Variants in SNX15 observed in about 807,000 individuals in gnomAD.
SNX15 encodes the protein sorting nexin-15.
In SNX15, 29 loss-of-function variants were observed where a neutral mutation model predicts 35.2. That is an observed-to-expected ratio of 0.82 (90% CI 0.61 to 1.12). The LOEUF (loss-of-function observed/expected upper bound fraction) is 1.12. Among genes scored for constraint, SNX15 ranks in the 50% most tolerant of loss-of-function variants. The probability of loss-of-function intolerance (pLI) is 0.00; values close to 1 mark genes in which losing one functional copy is unlikely to be tolerated. For missense variants in SNX15, 400 were observed against 451.5 expected (o/e 0.89, Z 1.03); for synonymous variants, 189 against 188.2 (o/e 1.00, Z -0.03).
chr11:65,035,185 C>T lies in SNX15; in HGVS notation c.499C>T (p.Leu167Phe). 1 of 1,591,374 alleles carries T rather than the reference C, an allele frequency of 6.3e-7. No homozygotes were observed. The highest frequency in any genetic ancestry group is 8.5e-7 in the Non-Finnish European group (1 of 1,171,048). Residue 167 changes from leucine (L) to phenylalanine (F), a missense_variant, in exon 5 of 8, where the codon CTC becomes TTC. By Grantham distance (22) the Leu-to-Phe change is conservative (BLOSUM62 0). Coordinates refer to ENST00000377244, the MANE Select transcript of SNX15 (RefSeq NM_013306.5). Reference sequence around the variant, plus strand: ...ACTGCTCCCTGCAGAAAGGAGGGGCCTCGAGGAATTGGAGGTGCCAGGTAC... The same window carrying T: ...ACTGCTCCCTGCAGAAAGGAGGGGCTTCGAGGAATTGGAGGTGCCAGGTAC... Reference protein sequence around the residue: ...SQLLPAERRGLEELEVPVDPP... With the variant: ...SQLLPAERRGFEELEVPVDPP...
At chr11:65,029,784 C>T (rs1244062329) in intron 1 of SNX15, among the ~76,000 whole-genome samples, 1 of 151,690 alleles carries the variant, frequency 6.6e-6, no homozygotes, top group African/African-American at 2.4e-5. Flanking sequence ...ACTGTGTTGG[C>T]CAGGCTGGTC....
At chr11:65,038,389 C>A in intron 6 of SNX15, 183 bp from the exon 7 acceptor site, 1 of 1,144,484 alleles carries the variant, frequency 8.7e-7, no homozygotes, top group Non-Finnish European at 1.1e-6. Context: ...CACATGAACC[C>A]TATCGATCAA....
chr11:65,038,526 G>A, intron 6 of SNX15, 46 bp from the exon 7 acceptor site: 1 of 1,501,748 alleles, frequency 6.7e-7, no homozygotes, highest in Non-Finnish European at 8.9e-7. Context: ...GAGGGCCTGG[G>A]AAAGGAAGGG....
At chr11:65,027,754 T>A in intron 1 of SNX15, 118 bp downstream of exon 1, 1 of 747,978 alleles carries the variant, frequency 1.3e-6, no homozygotes, top group Middle Eastern at 2.5e-4. Flanking sequence ...GGGTTTCCCC[T>A]TTAAGGGGAG....
At chr11:65,032,775 C>T (rs1479750162) in intron 3 of SNX15, among the ~76,000 whole-genome samples, 3 of 152,150 alleles carry the variant, frequency 2.0e-5, no homozygotes, top group African/African-American at 4.8e-5. Context: ...TTGGGCCAGG[C>T]GTGTGGCTCA....
chr11:65,035,704 G>C, intron 6 of SNX15, 41 bp downstream of exon 6: 1 of 1,566,130 alleles, frequency 6.4e-7, no homozygotes. Flanking sequence ...AGGGCAGGAC[G>C]TCCTTGGGAC....
intron 7 of SNX15, among the ~76,000 whole-genome samples, 200 bp downstream of exon 7, chr11:65,039,029 C>T (rs1284194669): frequency 1.7e-4 from 12 of 72,494 alleles, no homozygotes; most frequent in South Asian, 3.8e-4. Context: ...TCTTCTTCCT[C>T]TTTTTTTTTT....
At chr11:65,031,013 T>C (rs1324490946) in intron 1 of SNX15, among the ~76,000 whole-genome samples, 1 of 151,936 alleles carries the variant, frequency 6.6e-6, no homozygotes, top group Non-Finnish European at 1.5e-5. Context: ...AAGAAATAGA[T>C]GTTTTTATTT....
intron 7 of SNX15, 127 bp from the exon 8 acceptor site, chr11:65,039,559 G>T (rs182032141): frequency 5.9e-5 from 36 of 614,666 alleles, no homozygotes; most frequent in African/African-American, 5.7e-4. Flanking sequence ...GAGGAGAATG[G>T]ATGCTGGGCC....
At chr11:65,037,573 T>G (rs931621058) in intron 6 of SNX15, 1 of 152,246 alleles carries the variant, frequency 6.6e-6, no homozygotes, top group African/African-American at 2.4e-5. Context: ...ACTCAGCCCA[T>G]GGGAAAAGTC....
chr11:65,032,137 G>C, intron 1 of SNX15, 31 bp from the exon 2 acceptor site: 1 of 1,612,948 alleles, frequency 6.2e-7, no homozygotes, highest in East Asian at 2.2e-5. Flanking sequence ...GCAGTCTCTG[G>C]TCTCAACCAG....
intron 1 of SNX15, among the ~76,000 whole-genome samples, chr11:65,029,200 C>T (rs1946411432): frequency 6.6e-6 from 1 of 151,870 alleles, no homozygotes; most frequent in South Asian, 2.1e-4. Flanking sequence ...TCACTGTCGC[C>T]CAGACTGGAG....
chr11:65,038,396 T>C lies in SNX15; in HGVS notation c.665-176T>C, dbSNP rs953739387. 22 of 1,143,560 alleles carry C rather than the reference T, an allele frequency of 1.9e-5. No individual in the cohort carries two copies. In the South Asian group the frequency reaches 5.6e-4, roughly 29 times the overall value. The allele number at this position is 1,143,560 out of a possible 1,614,324, so 70.8% of individuals were successfully genotyped here. On this transcript the variant is annotated intron_variant, in intron 6 of 7. Transcript: ENST00000377244. Reference sequence around the variant, plus strand: ...TACAGAAGCACATGAACCCTATCGATCAAATAGCTCATGGCTAGTTTTTGA... The same window carrying C: ...TACAGAAGCACATGAACCCTATCGACCAAATAGCTCATGGCTAGTTTTTGA...
At chr11:65,029,255 G>T (rs1409250956) in intron 1 of SNX15, among the ~76,000 whole-genome samples, 1 of 151,232 alleles carries the variant, frequency 6.6e-6, no homozygotes, top group African/African-American at 2.4e-5. Flanking sequence ...CGTCGCCCGG[G>T]TTCAGATTCT....
At chr11:65,030,152 C>T (rs962704179) in intron 1 of SNX15, among the ~76,000 whole-genome samples, 2 of 151,922 alleles carry the variant, frequency 1.3e-5, no homozygotes, top group East Asian at 2.0e-4. Context: ...GTCAAGAGAT[C>T]GAGACCATTC....
At position 65,039,784 on chromosome 11, in the gene SNX15, C is replaced by G. The variant is rs1055589622; in HGVS notation, c.1021C>G (p.Pro341Ala). The G allele has an allele frequency of 2.3e-5, 37 of 1,609,520 alleles. No homozygotes were observed. The highest frequency in any genetic ancestry group is 2.8e-5 in the Non-Finnish European group (33 of 1,177,268). Residue 341 changes from proline to alanine, a missense_variant, in exon 8 of 8, where the codon CCA becomes GCA. Physicochemically the swap from Pro to Ala is conservative, Grantham distance 27. Transcript: ENST00000377244. ...CCTGCGCCTGCACCTGTCTCAACTCCCACCCTAACAGGGAGTGGGCCATTC... is the reference window on the plus strand; with the variant it reads ...CCTGCGCCTGCACCTGTCTCAACTCGCACCCTAACAGGGAGTGGGCCATTC... ...EILRLHLSQL[P>A]P
chr11:65,027,511 C>G lies in SNX15; in HGVS notation c.-27C>G, dbSNP rs369282650. 1 of 1,596,258 alleles carries G rather than the reference C, an allele frequency of 6.3e-7. No homozygotes were observed. Among genetic ancestry groups the G allele is most frequent in the Non-Finnish European group, 8.6e-7 (1 of 1,164,580 alleles). Reference sequence around the variant, plus strand: ...GGGACGGCGAGGAGGTGGAGGCCGGCGCTCCGCTCCGCTCCAGCTCGGTTT... The same window carrying G: ...GGGACGGCGAGGAGGTGGAGGCCGGGGCTCCGCTCCGCTCCAGCTCGGTTT... On this transcript the variant is annotated 5_prime_UTR_variant, in exon 1 of 8. Transcript: ENST00000377244.
chr11:65,028,015 C>T (rs1318363418), intron 1 of SNX15, among the ~76,000 whole-genome samples: 2 of 152,178 alleles, frequency 1.3e-5, no homozygotes, highest in East Asian at 3.9e-4. Flanking sequence ...TTTGATGTTA[C>T]ATAAACTCCC....
chr11:65,032,376 G>C, intron 2 of SNX15, 55 bp from the exon 3 acceptor site: 2 of 1,613,112 alleles, frequency 1.2e-6, no homozygotes, highest in Non-Finnish European at 1.7e-6. Flanking sequence ...GCTAGGCATG[G>C]GGGCGGCTGC....
Sources: allele counts gnomAD v4.1 joint callset (sites outside exome capture counted in the v4.1 genomes callset), GRCh38; gene constraint gnomAD v4.1.1; transcripts MANE v1.5; gene names NCBI Gene and HGNC (gene_info 2026-07-23, HGNC 2026-07-21).